RALYL: variants seen among roughly 807,000 people sequenced by gnomAD.
RALYL encodes the protein RALY RNA binding protein like, also known as RNA-binding Raly-like protein.
Under a neutral mutation model 35.1 loss-of-function variants are expected in RALYL, and 29 were observed. That is an observed-to-expected ratio of 0.83 (90% CI 0.61 to 1.13). The LOEUF (loss-of-function observed/expected upper bound fraction) is 1.13. Among genes scored for constraint, RALYL ranks in the 50% most tolerant of loss-of-function variants. RALYL has a pLI of 0.00. For synonymous variants in RALYL, 120 were observed against 127.6 expected, an observed-to-expected ratio of 0.94 and a Z score of 0.40; for missense variants, 359 against 360.4, an observed-to-expected ratio of 1.00 and a Z score of 0.03.
intron 1 of RALYL, among the ~76,000 whole-genome samples, chr8:84,199,737 A>G (rs1175037633): frequency 5.3e-5 from 8 of 151,508 alleles, no homozygotes; most frequent in Non-Finnish European, 1.0e-4. Flanking sequence ...TCCCAGCACC[A>G]TTTATTAAAG....
chr8:84,613,367 C>T (rs919788228), intron 2 of RALYL, among the ~76,000 whole-genome samples: 2 of 151,452 alleles, frequency 1.3e-5, no homozygotes, highest in African/African-American at 4.9e-5. Context: ...AACATAATCA[C>T]AAAATTTGGG....
intron 1 of RALYL, among the ~76,000 whole-genome samples, chr8:84,215,015 C>G (rs1351974915): frequency 1.3e-5 from 2 of 151,920 alleles, no homozygotes; most frequent in Non-Finnish European, 2.9e-5. Context: ...ATGCCATTCT[C>G]CTGCCTCAGC....
intron 1 of RALYL, among the ~76,000 whole-genome samples, chr8:84,440,014 T>C (rs1227774220): frequency 2.0e-5 from 3 of 152,128 alleles, no homozygotes; most frequent in Non-Finnish European, 4.4e-5. Flanking sequence ...TGTAGTATAA[T>C]AAAATCACAG....
chr8:84,394,289 A>G (rs1861318651), intron 1 of RALYL, among the ~76,000 whole-genome samples: 1 of 152,110 alleles, frequency 6.6e-6, no homozygotes, highest in African/African-American at 2.4e-5. Flanking sequence ...GATGTAAATA[A>G]CCTATATGTA....
At chr8:84,356,342 T>C (rs1586562225) in intron 1 of RALYL, among the ~76,000 whole-genome samples, 1 of 150,396 alleles carries the variant, frequency 6.6e-6, no homozygotes, top group East Asian at 1.9e-4. Context: ...GTAATAGTTG[T>C]TGAAACCATA....
intron 2 of RALYL, among the ~76,000 whole-genome samples, chr8:84,754,103 G>A (rs542220524): frequency 1.3e-5 from 2 of 152,182 alleles, no homozygotes; most frequent in African/African-American, 4.8e-5. Context: ...TGTTCACTCT[G>A]ATGGTAGTTT....
intron 2 of RALYL, among the ~76,000 whole-genome samples, chr8:84,642,259 C>T (rs1420851998): frequency 1.3e-5 from 2 of 152,088 alleles, no homozygotes; most frequent in East Asian, 1.9e-4. Flanking sequence ...AAATTGGAAC[C>T]TCTTCACATA....
chr8:84,590,789 T>C (rs1813070185), intron 2 of RALYL, among the ~76,000 whole-genome samples: 4 of 152,174 alleles, frequency 2.6e-5, no homozygotes, highest in Non-Finnish European at 4.4e-5. Context: ...ATAAAAAGCA[T>C]TTCTGCAGTC....
intron 1 of RALYL, among the ~76,000 whole-genome samples, chr8:84,364,687 A>C (rs1355861014): frequency 6.6e-6 from 1 of 152,156 alleles, no homozygotes; most frequent in Non-Finnish European, 1.5e-5. Flanking sequence ...ATTCATTAAC[A>C]CTAAGTTATA....
intron 1 of RALYL, among the ~76,000 whole-genome samples, chr8:84,251,968 A>G (rs570071527): frequency 3.0e-4 from 45 of 151,922 alleles, no homozygotes; most frequent in African/African-American, 1.1e-3. Context: ...ACTTGAACCT[A>G]TATTTCTCTA....
chr8:84,614,255 T>C (rs1818943120), intron 2 of RALYL, among the ~76,000 whole-genome samples: 1 of 151,566 alleles, frequency 6.6e-6, no homozygotes, highest in Non-Finnish European at 1.5e-5. Context: ...TCAGAATAGG[T>C]ATTATTGTTG....
intron 1 of RALYL, among the ~76,000 whole-genome samples, chr8:84,246,051 G>C (rs1002456189): frequency 6.6e-6 from 1 of 152,168 alleles, no homozygotes; most frequent in African/African-American, 2.4e-5. Flanking sequence ...AATGGTAGCA[G>C]TGACAGTGGT....
chr8:84,419,109 C>A (rs112781799), intron 1 of RALYL, among the ~76,000 whole-genome samples: 5,315 of 152,214 alleles, frequency 0.035, 316 homozygotes, highest in African/African-American at 0.12. Flanking sequence ...AACTCAGTTT[C>A]CCTTGCCACT....
chr8:84,445,742 T>C (rs2048782915), intron 1 of RALYL, among the ~76,000 whole-genome samples: 1 of 151,690 alleles, frequency 6.6e-6, no homozygotes. Flanking sequence ...TTTGCATTAA[T>C]TGAAAAACGT....
chr8:84,852,141 T>C (rs1243959081), intron 5 of RALYL, among the ~76,000 whole-genome samples: 4 of 152,184 alleles, frequency 2.6e-5, no homozygotes, highest in African/African-American at 9.6e-5. Context: ...TATGTGAATA[T>C]GCACAATGGG....
chr8:84,498,912 AC>A, intron 1 of RALYL, among the ~76,000 whole-genome samples: 1 of 152,206 alleles, frequency 6.6e-6, no homozygotes, highest in South Asian at 2.1e-4. Context: ...AGTTTTTCTA[AC>A]CTAGTTACAA....
chr8:84,567,088 G>T (rs906297634), intron 2 of RALYL, among the ~76,000 whole-genome samples: 6 of 151,736 alleles, frequency 4.0e-5, no homozygotes, highest in African/African-American at 1.4e-4. Context: ...GAATAGGGTT[G>T]TTTATTTTGT....
chr8:84,484,584 T>A (rs950310604), intron 1 of RALYL, among the ~76,000 whole-genome samples: 2 of 152,022 alleles, frequency 1.3e-5, no homozygotes, highest in African/African-American at 4.8e-5. Context: ...CTCTCAAACA[T>A]GAGTAATGAA....
At chr8:84,282,191 A>C (rs1259030918) in intron 1 of RALYL, among the ~76,000 whole-genome samples, 3 of 151,436 alleles carry the variant, frequency 2.0e-5, no homozygotes, top group Non-Finnish European at 4.4e-5. Context: ...TTTATTCTCT[A>C]TCACTATAGG....
Sources: gnomAD v4.1 joint callset for allele counts (sites outside exome capture counted in the v4.1 genomes callset) on GRCh38, gnomAD v4.1.1 for gene constraint, MANE v1.5 for transcripts, NCBI Gene and HGNC (gene_info 2026-07-23, HGNC 2026-07-21) for gene names.